The following MED12L variants were observed in gnomAD, a reference collection of about 807,000 sequenced individuals.
MED12L encodes the protein mediator complex subunit 12L.
Under a neutral mutation model 281.3 loss-of-function variants are expected in MED12L, and 60 were observed. The ratio of observed to expected loss-of-function variants is 0.21; its 90% CI spans 0.17 to 0.26. The LOEUF is 0.26. Ranked by LOEUF, MED12L falls within the 10% of genes least tolerant of loss-of-function variation. The probability of loss-of-function intolerance (pLI) is 1.00; values close to 1 mark genes in which losing one functional copy is unlikely to be tolerated. For synonymous variants in MED12L, 974 were observed against 987.2 expected, an observed-to-expected ratio of 0.99 and a Z score of 0.25; for missense variants, 2,146 against 2,680.9, an observed-to-expected ratio of 0.80 and a Z score of 4.41.
At chr3:151,284,618 G>T (rs1431925429) in intron 16 of MED12L, among the ~76,000 whole-genome samples, 6 of 152,008 alleles carry the variant, frequency 3.9e-5, no homozygotes, top group Non-Finnish European at 7.4e-5. Context: ...TTGTTTGTTT[G>T]TTTTTTGAGA....
At chr3:151,268,990 G>A (rs1001730963) in intron 16 of MED12L, among the ~76,000 whole-genome samples, 1 of 152,150 alleles carries the variant, frequency 6.6e-6, no homozygotes, top group African/African-American at 2.4e-5. Context: ...CTTTCCTAGC[G>A]GTGTGACCCC....
chr3:151,376,741 T>C (rs577209248), intron 28 of MED12L, 59 bp from the exon 29 acceptor site: 32 of 1,360,930 alleles, frequency 2.4e-5, no homozygotes, highest in Admixed American at 1.7e-4. Context: ...CTGTAAGAAA[T>C]TACTGTATTT....
At chr3:151,192,934 T>A (rs1386486094) in intron 15 of MED12L, among the ~76,000 whole-genome samples, 3 of 152,226 alleles carry the variant, frequency 2.0e-5, no homozygotes. Flanking sequence ...TGAATGTAGC[T>A]TCACGATGAC....
chr3:151,112,274 TTC>T (rs2148714198), intron 2 of MED12L, among the ~76,000 whole-genome samples: 2 of 135,054 alleles, frequency 1.5e-5, no homozygotes, highest in South Asian at 4.6e-4. Context: ...ATTTAACAAT[TTC>T]TTTTTCTTTT....
At position 151,355,937 on chromosome 3, in the gene MED12L, A is replaced by G. The variant is rs1379951815; in HGVS notation, c.2559A>G (p.Ser853=). Residue 853 remains serine (S), a synonymous_variant, in exon 19 of 45, where the codon TCA becomes TCG. Coordinates refer to ENST00000687756, the MANE Select transcript of MED12L (RefSeq NM_001393769.1). ...NVLEQITSFA[S]GTSYHLPLAH... ...TAGAACAAATCACAAGCTTTGCGTC[A>G]GGAACATCCTATCATCTCCCTTTGG... The G allele has an allele frequency of 1.9e-6, 3 of 1,613,988 alleles. No individual in the cohort carries two copies. Among genetic ancestry groups the G allele is most frequent in the Non-Finnish European group, 2.5e-6 (3 of 1,180,014 alleles).
chr3:151,142,216 C>G lies in MED12L; in HGVS notation c.557-13945C>G, dbSNP rs113268642. ...GAATGGGAAATTCCATCCTAGACTTCTGTTTCTGGGTCCTGTTTGATTTAC... is the reference window on the plus strand; with the variant it reads ...GAATGGGAAATTCCATCCTAGACTTGTGTTTCTGGGTCCTGTTTGATTTAC... On this transcript the variant is annotated intron_variant, in intron 5 of 44. Transcript: ENST00000687756. 5.9e-3 allele frequency among the ~76,000 whole-genome samples: 892 copies of G among 152,312 alleles called. 9 individuals are homozygous for G. Among genetic ancestry groups the G allele is most frequent in the African/African-American group, 0.02 (840 of 41,558 alleles).
At chr3:151,355,354 A>T in intron 18 of MED12L, 115 bp downstream of exon 18, 1 of 658,032 alleles carries the variant, frequency 1.5e-6, no homozygotes, top group South Asian at 2.1e-5. Flanking sequence ...TTTTATAAAC[A>T]TACTTGGAAG....
At chr3:151,146,128 C>T (rs1451951606) in intron 5 of MED12L, among the ~76,000 whole-genome samples, 6 of 152,184 alleles carry the variant, frequency 3.9e-5, no homozygotes, top group African/African-American at 1.2e-4. Flanking sequence ...TTTCTCCACC[C>T]GACTCCAGAC....
At chr3:151,136,931 A>T (rs1156968180) in intron 5 of MED12L, among the ~76,000 whole-genome samples, 1 of 152,166 alleles carries the variant, frequency 6.6e-6, no homozygotes, top group Non-Finnish European at 1.5e-5. Context: ...TGGGAGGCTA[A>T]GGTGGGTGGA....
chr3:151,108,970 T>C (rs1711499535), intron 2 of MED12L, among the ~76,000 whole-genome samples: 1 of 152,098 alleles, frequency 6.6e-6, no homozygotes, highest in Non-Finnish European at 1.5e-5. Context: ...TTGAAAGTGA[T>C]CCAAAAAATA....
intron 43 of MED12L, among the ~76,000 whole-genome samples, chr3:151,429,927 C>T (rs1374686171): frequency 6.6e-6 from 1 of 152,206 alleles, no homozygotes; most frequent in East Asian, 1.9e-4. Flanking sequence ...AACAAATCTT[C>T]CAACCAGAGA....
chr3:151,354,589 T>C (rs1437740331), intron 17 of MED12L, among the ~76,000 whole-genome samples: 1 of 152,204 alleles, frequency 6.6e-6, no homozygotes, highest in Non-Finnish European at 1.5e-5. Context: ...GTGGATATCA[T>C]TGTAATTTAA....
chr3:151,423,509 G>A (rs1718518624), intron 43 of MED12L, among the ~76,000 whole-genome samples: 1 of 152,146 alleles, frequency 6.6e-6, no homozygotes, highest in African/African-American at 2.4e-5. Context: ...ATCAATGCCT[G>A]TGTTGCCATC....
chr3:151,337,803 CTTAG>C lies in MED12L; in HGVS notation c.2251-12252_2251-12249del, dbSNP rs758276568. The C allele has an allele frequency of 5.5e-5, 89 of 1,611,834 alleles. No homozygotes were observed. Among genetic ancestry groups the C allele is most frequent in the African/African-American group, 9.4e-5 (7 of 74,832 alleles). ...GAACACAAAGAGATTGAAATATTTCCTTAGTTAATTTGTTTACATTGGAGTCTCT... is the reference window on the plus strand; with the variant it reads ...GAACACAAAGAGATTGAAATATTTCCTTAATTTGTTTACATTGGAGTCTCT... On this transcript the variant is annotated intron_variant, in intron 16 of 44. Transcript: ENST00000687756.
At chr3:151,119,424 T>G (rs2148757405) in intron 3 of MED12L, among the ~76,000 whole-genome samples, 1 of 152,346 alleles carries the variant, frequency 6.6e-6, no homozygotes, top group South Asian at 2.1e-4. Context: ...GGCTTGCAGA[T>G]GACCACCTTC....
In MED12L at chr3:151,330,388, T is replaced by C. The variant is rs569615095; in HGVS notation, c.2251-19671T>C. On this transcript the variant is annotated intron_variant, in intron 16 of 44. Transcript: ENST00000687756. ...TTCGAGTGCAGAGGACTTCAGGAATTTCATCAATCAACATTGGGCCAATAT... is the reference window on the plus strand; with the variant it reads ...TTCGAGTGCAGAGGACTTCAGGAATCTCATCAATCAACATTGGGCCAATAT... Among the ~76,000 whole-genome samples the C allele has an allele frequency of 2.6e-5, 4 of 152,316 alleles. No individual in the cohort carries two copies. In the East Asian group the frequency reaches 7.7e-4, roughly 29 times the overall value.
intron 16 of MED12L, among the ~76,000 whole-genome samples, chr3:151,283,683 T>C (rs1307478507): frequency 2.0e-5 from 3 of 152,252 alleles, no homozygotes; most frequent in Non-Finnish European, 4.4e-5. Flanking sequence ...CTCAGAAGTA[T>C]TTGTTAATTG....
intron 43 of MED12L, among the ~76,000 whole-genome samples, chr3:151,428,048 A>G (rs1719065261): frequency 6.6e-6 from 1 of 152,208 alleles, no homozygotes; most frequent in Non-Finnish European, 1.5e-5. Context: ...ATAATTATTC[A>G]TGTGCTTGCT....
At chr3:151,349,247 C>T (rs1458317043) in intron 16 of MED12L, among the ~76,000 whole-genome samples, 2 of 148,776 alleles carry the variant, frequency 1.3e-5, no homozygotes, top group Non-Finnish European at 2.9e-5. Context: ...TTCTTTCCCA[C>T]GTGGGGAAAA....
Sources: allele counts gnomAD v4.1 joint callset (sites outside exome capture counted in the v4.1 genomes callset), GRCh38; gene constraint gnomAD v4.1.1; transcripts MANE v1.5; gene names NCBI Gene and HGNC (gene_info 2026-07-23, HGNC 2026-07-21).